Variants in WWP2 observed in about 807,000 individuals in gnomAD.
The protein encoded by WWP2 is WW domain containing E3 ubiquitin protein ligase 2, also known as NEDD4-like E3 ubiquitin-protein ligase WWP2.
In WWP2, 57 loss-of-function variants were observed where a neutral mutation model predicts 121.0. The observed-to-expected ratio is 0.47, with a 90% CI of 0.38 to 0.59. The LOEUF (loss-of-function observed/expected upper bound fraction) is 0.59, where lower values mean the gene tolerates loss of function less well. Among genes scored for constraint, WWP2 ranks in the 20% least tolerant of loss-of-function variants. The pLI, the probability that WWP2 is intolerant of heterozygous loss-of-function variation, is 0.00. For synonymous variants in WWP2, 449 were observed against 441.3 expected (o/e 1.02, Z -0.22); for missense variants, 962 against 1,158.9 (o/e 0.83, Z 2.47).
At position 69,936,450 on chromosome 16, in the gene WWP2, C is replaced by T; in HGVS notation, c.2115C>T (p.Ile705=). ...RVTEENKEEY[I]MLLTDWRFTR... is the part of the protein sequence containing the mutation. Reference sequence around the variant, plus strand: ...CAGAGGAGAACAAGGAAGAGTACATCATGTGAGTCTCAGGCGCCGGGGGCT... The same window carrying T: ...CAGAGGAGAACAAGGAAGAGTACATTATGTGAGTCTCAGGCGCCGGGGGCT... Residue 705 remains isoleucine, a splice_region_variant and synonymous_variant, in exon 19 of 24, where the codon ATC becomes ATT. Transcript: ENST00000359154. 1 of 1,613,964 alleles carries T rather than the reference C, an allele frequency of 6.2e-7. No homozygotes were observed. The highest frequency in any genetic ancestry group is 1.7e-5 in the Admixed American group (1 of 60,004).
intron 1 of WWP2, among the ~76,000 whole-genome samples, chr16:69,779,895 A>G (rs917450610): frequency 1.3e-5 from 2 of 152,212 alleles, no homozygotes; most frequent in Non-Finnish European, 2.9e-5. Flanking sequence ...ATTATTGTTC[A>G]ATTATGAAAG....
chr16:69,934,388 G>A (rs1046787970), intron 17 of WWP2, among the ~76,000 whole-genome samples: 5 of 152,104 alleles, frequency 3.3e-5, no homozygotes, highest in African/African-American at 4.8e-5. Flanking sequence ...CAAGAAGCTA[G>A]AGAGAGTTCT....
At chr16:69,933,858 G>A (rs2058756073) in intron 16 of WWP2, 112 bp from the exon 17 acceptor site, 1 of 1,280,206 alleles carries the variant, frequency 7.8e-7, no homozygotes, top group South Asian at 1.4e-5. Flanking sequence ...CGACTCCCTG[G>A]GACACGTGTC....
intron 4 of WWP2, among the ~76,000 whole-genome samples, chr16:69,816,264 A>G (rs765888258): frequency 7.9e-5 from 12 of 151,944 alleles, no homozygotes; most frequent in Non-Finnish European, 1.6e-4. Flanking sequence ...AAAATTTCAT[A>G]TCATGTATAT....
chr16:69,871,571 C>G (rs72785040), intron 6 of WWP2: 501 of 467,766 alleles, frequency 1.1e-3, no homozygotes, highest in Non-Finnish European at 1.7e-3. Flanking sequence ...GATTTGTTTA[C>G]TTGAAGTGGA....
chr16:69,867,256 C>T (rs553537691), intron 6 of WWP2, among the ~76,000 whole-genome samples: 3 of 152,056 alleles, frequency 2.0e-5, no homozygotes, highest in Non-Finnish European at 2.9e-5. Flanking sequence ...AACACTGTCA[C>T]GTGGTCAGCC....
chr16:69,926,331 A>G (rs1230549440), intron 11 of WWP2, among the ~76,000 whole-genome samples: 6 of 152,186 alleles, frequency 3.9e-5, no homozygotes, highest in Admixed American at 3.9e-4. Context: ...GGGAACCAGC[A>G]TGTGTTGGGT....
At chr16:69,796,320 T>C (rs1180479144) in intron 2 of WWP2, among the ~76,000 whole-genome samples, 1 of 152,172 alleles carries the variant, frequency 6.6e-6, no homozygotes, top group Non-Finnish European at 1.5e-5. Flanking sequence ...GTTGAACATA[T>C]CGCAAGTTGA....
At chr16:69,892,078 A>C (rs7191138) in intron 8 of WWP2, among the ~76,000 whole-genome samples, 5,666 of 152,266 alleles carry the variant, frequency 0.037, 297 homozygotes, top group African/African-American at 0.12. Flanking sequence ...TTTGCCTCTG[A>C]ATGCCCAGCA....
chr16:69,902,813 G>A (rs1443358994), intron 8 of WWP2, among the ~76,000 whole-genome samples: 2 of 152,132 alleles, frequency 1.3e-5, no homozygotes, highest in Non-Finnish European at 2.9e-5. Flanking sequence ...CCACTGAGGA[G>A]GAACAGGAAT....
At chr16:69,939,508 T>G in intron 23 of WWP2, 95 bp downstream of exon 23, 1 of 1,352,336 alleles carries the variant, frequency 7.4e-7, no homozygotes, top group Admixed American at 1.9e-5. Flanking sequence ...TAGCCTCGAG[T>G]CTGGCAGCTT....
At chr16:69,914,034 T>C (rs1302313998) in intron 9 of WWP2, among the ~76,000 whole-genome samples, 1 of 127,278 alleles carries the variant, frequency 7.9e-6, no homozygotes, top group Admixed American at 1.0e-4. Context: ...ATCACACCAT[T>C]GCACTCCAGC....
chr16:69,939,080 C>T lies in WWP2; in HGVS notation c.2397C>T (p.Thr799=), dbSNP rs140641016. 8.6e-4 allele frequency: 1,383 copies of T among 1,606,730 alleles called. 6 individuals carry two copies. The African/African-American group carries it at 0.015, about 17-fold the overall frequency. The part of the protein sequence containing the change: ...EKRIRLLQFV[T]GTCRLPVGGF... ...GGATCCGGCTGCTGCAGTTTGTCAC[C>T]GGTACCTGCCGCCTGCCCGTCGGGG... The change falls in exon 22 of 24, where the codon ACC becomes ACT. Residue 799 remains threonine, a synonymous_variant. Coordinates refer to ENST00000359154, the MANE Select transcript of WWP2 (RefSeq NM_001270454.2).
rs186799157 is a variant in WWP2 at position 69,913,323 on chromosome 16, A to T, written c.1005-4386A>T. Among the ~76,000 whole-genome samples, 55 of 151,570 alleles carry T rather than the reference A, an allele frequency of 3.6e-4. 1 individual carries two copies. The highest frequency in any genetic ancestry group is 1.5e-5 in the Non-Finnish European group (1 of 67,872). ...GGTGGGATTACAGGCGTGAGCCACC[A>T]CGCCCAGCCAAAAAAAAGTTTTTTT... is the stretch of plus-strand genomic sequence containing the variant. On this transcript the variant is annotated intron_variant, in intron 9 of 23. Transcript: ENST00000359154.
At chr16:69,800,866 G>C (rs1285305947) in intron 4 of WWP2, among the ~76,000 whole-genome samples, 1 of 150,340 alleles carries the variant, frequency 6.7e-6, no homozygotes, top group African/African-American at 2.4e-5. Context: ...CACCCAGCCT[G>C]ATAGTTATTC....
chr16:69,930,325 T>C (rs2058694368), intron 13 of WWP2, 67 bp downstream of exon 13: 5 of 1,588,316 alleles, frequency 3.1e-6, no homozygotes, highest in Non-Finnish European at 4.3e-6. Context: ...GTTCTGGCTC[T>C]GGGAGGCCCA....
At chr16:69,784,033 C>A (rs574058763) in intron 1 of WWP2, among the ~76,000 whole-genome samples, 1 of 151,918 alleles carries the variant, frequency 6.6e-6, no homozygotes, top group Admixed American at 6.6e-5. Context: ...TGGGAGGTCT[C>A]CCAGACTCTT....
intron 6 of WWP2, among the ~76,000 whole-genome samples, chr16:69,844,023 G>A (rs2057025242): frequency 6.6e-6 from 1 of 152,224 alleles, no homozygotes; most frequent in Admixed American, 6.5e-5. Flanking sequence ...GGGCTTATGA[G>A]GTTGTGGTGA....
intron 2 of WWP2, among the ~76,000 whole-genome samples, chr16:69,795,257 G>GACACAC (rs1177783299): frequency 1.8e-5 from 1 of 56,558 alleles, no homozygotes; most frequent in African/African-American, 7.9e-5. Context: ...AAAAAATGCG[G>GACACAC]ATACACACAC....
Sources: gnomAD v4.1 joint callset for allele counts (sites outside exome capture counted in the v4.1 genomes callset) on GRCh38, gnomAD v4.1.1 for gene constraint, MANE v1.5 for transcripts, NCBI Gene and HGNC (gene_info 2026-07-23, HGNC 2026-07-21) for gene names.